KCNT2: variants seen among roughly 807,000 people sequenced by gnomAD.
KCNT2 encodes the protein potassium channel subfamily T member 2.
A neutral mutation model predicts 153.8 loss-of-function variants in KCNT2; 67 were observed. The observed-to-expected ratio is 0.44, with a 90% CI of 0.36 to 0.53. The LOEUF is 0.53. KCNT2 is among the 20% of genes least tolerant of loss of function. KCNT2 has a pLI of 0.00. For synonymous variants in KCNT2, 500 were observed against 458.8 expected (o/e 1.09, Z -1.15); for missense variants, 975 against 1,354.8 (o/e 0.72, Z 4.40).
At position 196,326,803 on chromosome 1, in the gene KCNT2, A is replaced by G. The variant is rs1663903781; in HGVS notation, c.2190T>C (p.Asn730=). Residue 730 remains asparagine (N), a synonymous_variant, in exon 19 of 28, where the codon AAT becomes AAC. Transcript: ENST00000294725. Reference sequence around the variant, plus strand: ...GAGGAACAATAAAGTTATATAATCCATTTCCAGCTGTTTCAGCTGCAACTA... The same window carrying G: ...GAGGAACAATAAAGTTATATAATCCGTTTCCAGCTGTTTCAGCTGCAACTA... ...LIIVAAETAG[N]GLYNFIVPLR... is the part of the protein sequence containing the mutation. 2 of 1,585,070 alleles carry G rather than the reference A, an allele frequency of 1.3e-6. No individual in the cohort carries two copies. Among genetic ancestry groups the G allele is most frequent in the Non-Finnish European group, 1.7e-6 (2 of 1,167,756 alleles).
At position 196,541,066 on chromosome 1, in the gene KCNT2, A is replaced by AAAAT. The variant is rs1226552421; in HGVS notation, c.96-48729_96-48726dup. Among the ~76,000 whole-genome samples, 266 of 151,414 alleles carry AAAAT rather than the reference A, an allele frequency of 1.8e-3. 3 individuals are homozygous for AAAAT. Among genetic ancestry groups the AAAAT allele is most frequent in the South Asian group, 4.6e-3 (22 of 4,804 alleles). On this transcript the variant is annotated intron_variant, in intron 1 of 27. Coordinates refer to ENST00000294725, the MANE Select transcript of KCNT2 (RefSeq NM_198503.5). Reference sequence around the variant, plus strand: ...GGGTGACAGAGCGAGAGTCCGTCTCAAAATAAATAAATAAATAAATATATA... The same window carrying AAAAT: ...GGGTGACAGAGCGAGAGTCCGTCTCAAAATAAATAAATAAATAAATAAATATATA...
intron 1 of KCNT2, among the ~76,000 whole-genome samples, chr1:196,534,804 C>G (rs1230135677): frequency 6.6e-6 from 1 of 152,086 alleles, no homozygotes; most frequent in East Asian, 1.9e-4. Flanking sequence ...GTGGAAATGA[C>G]CCAACTTCAC....
intron 8 of KCNT2, among the ~76,000 whole-genome samples, chr1:196,457,705 T>A (rs533682009): frequency 5.5e-4 from 84 of 152,084 alleles, no homozygotes; most frequent in Middle Eastern, 3.4e-3. Context: ...ATGGAGGCCA[T>A]TTATTATTGA....
chr1:196,375,466 T>C (rs958588437), intron 13 of KCNT2, among the ~76,000 whole-genome samples: 2 of 151,800 alleles, frequency 1.3e-5, no homozygotes, highest in African/African-American at 4.8e-5. Flanking sequence ...ATGTTTAGCA[T>C]TGTATGTAAG....
At chr1:196,297,470 G>T (rs1470992975) in intron 22 of KCNT2, among the ~76,000 whole-genome samples, 1 of 152,046 alleles carries the variant, frequency 6.6e-6, no homozygotes, top group Admixed American at 6.6e-5. Flanking sequence ...TGTCTTAGTA[G>T]CATAATGTGA....
chr1:196,522,853 T>G (rs572251395), intron 1 of KCNT2, among the ~76,000 whole-genome samples: 1 of 152,256 alleles, frequency 6.6e-6, no homozygotes, highest in African/African-American at 2.4e-5. Context: ...CTCTGTAAAA[T>G]GGACCAATCA....
chr1:196,264,230 C>T (rs962318626), intron 25 of KCNT2, among the ~76,000 whole-genome samples: 6 of 152,180 alleles, frequency 3.9e-5, no homozygotes, highest in South Asian at 2.1e-4. Context: ...TTGATGACTG[C>T]CTGCTCTTAG....
chr1:196,245,166 G>T (rs1201001641), intron 26 of KCNT2, among the ~76,000 whole-genome samples: 2 of 152,096 alleles, frequency 1.3e-5, no homozygotes, highest in Non-Finnish European at 2.9e-5. Flanking sequence ...GAGTAGATAT[G>T]GCTGCAGTGA....
intron 26 of KCNT2, among the ~76,000 whole-genome samples, chr1:196,243,521 T>C (rs1007804723): frequency 2.0e-5 from 3 of 151,770 alleles, no homozygotes; most frequent in African/African-American, 7.3e-5. Context: ...GTGCAGGGAG[T>C]CTGTGCACTC....
At chr1:196,480,524 CT>C (rs1678914035) in intron 4 of KCNT2, among the ~76,000 whole-genome samples, 1 of 152,014 alleles carries the variant, frequency 6.6e-6, no homozygotes, top group South Asian at 2.1e-4. Context: ...TAGATGATCT[CT>C]AGAGCATTTT....
At chr1:196,286,677 T>C (rs1659697973) in intron 22 of KCNT2, among the ~76,000 whole-genome samples, 1 of 151,784 alleles carries the variant, frequency 6.6e-6, no homozygotes, top group Non-Finnish European at 1.5e-5. Context: ...TGTTTATGTA[T>C]GTTTGAATGC....
intron 22 of KCNT2, among the ~76,000 whole-genome samples, chr1:196,302,395 A>G (rs1397842030): frequency 6.6e-6 from 1 of 152,168 alleles, no homozygotes; most frequent in African/African-American, 2.4e-5. Flanking sequence ...TGCCATAACA[A>G]AGTAATATCG....
chr1:196,236,487 A>G (rs969816043), intron 26 of KCNT2, among the ~76,000 whole-genome samples: 1 of 151,502 alleles, frequency 6.6e-6, no homozygotes, highest in Non-Finnish European at 1.5e-5. Context: ...GAAAAATAAT[A>G]TAATTACATT....
chr1:196,430,798 A>C (rs1558281863), intron 8 of KCNT2, among the ~76,000 whole-genome samples: 2 of 152,248 alleles, frequency 1.3e-5, no homozygotes, highest in East Asian at 3.9e-4. Context: ...ACAACAAAAA[A>C]AAGCAAAGTG....
chr1:196,539,155 C>A (rs553946903), intron 1 of KCNT2, among the ~76,000 whole-genome samples: 9 of 152,206 alleles, frequency 5.9e-5, no homozygotes, highest in African/African-American at 2.2e-4. Flanking sequence ...AAACTAAGTT[C>A]TTTCTGTTTT....
chr1:196,251,183 G>C (rs907219899), intron 26 of KCNT2, among the ~76,000 whole-genome samples: 12 of 152,094 alleles, frequency 7.9e-5, no homozygotes, highest in Non-Finnish European at 1.2e-4. Context: ...ATTCACAATA[G>C]CCAAGATTTG....
intron 23 of KCNT2, among the ~76,000 whole-genome samples, chr1:196,283,763 A>G (rs1659352411): frequency 6.6e-6 from 1 of 152,154 alleles, no homozygotes; most frequent in Non-Finnish European, 1.5e-5. Flanking sequence ...TAATGCCAGC[A>G]ATTTTTTAAA....
intron 1 of KCNT2, among the ~76,000 whole-genome samples, chr1:196,513,456 G>T (rs551533624): frequency 6.6e-6 from 1 of 152,262 alleles, no homozygotes; most frequent in East Asian, 1.9e-4. Context: ...GCATGCTTCT[G>T]ATTTGCTGGG....
At chr1:196,391,828 A>G (rs1016257151) in intron 13 of KCNT2, among the ~76,000 whole-genome samples, 5 of 151,400 alleles carry the variant, frequency 3.3e-5, no homozygotes, top group African/African-American at 1.2e-4. Context: ...TCTTTGCACT[A>G]TCTATACTGC....
Sources: gnomAD v4.1 joint callset for allele counts (sites outside exome capture counted in the v4.1 genomes callset) on GRCh38, gnomAD v4.1.1 for gene constraint, MANE v1.5 for transcripts, NCBI Gene and HGNC (gene_info 2026-07-23, HGNC 2026-07-21) for gene names.